Variants in PLA2G4E observed in about 807,000 individuals in gnomAD.
The protein encoded by PLA2G4E is cytosolic phospholipase A2 epsilon.
Under a neutral mutation model 109.1 loss-of-function variants are expected in PLA2G4E, and 84 were observed. The ratio of observed to expected loss-of-function variants is 0.77; its 90% CI spans 0.65 to 0.92. PLA2G4E has a LOEUF of 0.92. PLA2G4E is among the 40% of genes least tolerant of loss of function. The pLI is 0.00. For synonymous variants in PLA2G4E, 469 were observed against 436.1 expected (o/e 1.08, Z -0.94); for missense variants, 1,057 against 1,076.6 (o/e 0.98, Z 0.25).
intron 1 of PLA2G4E, among the ~76,000 whole-genome samples, chr15:42,040,242 G>C (rs1291688060): frequency 6.6e-6 from 1 of 152,032 alleles, no homozygotes; most frequent in East Asian, 1.9e-4. Flanking sequence ...CAGTATTTAA[G>C]GCCTAGAGCA....
intron 1 of PLA2G4E, among the ~76,000 whole-genome samples, chr15:42,049,177 G>C (rs1436475972): frequency 6.6e-6 from 1 of 152,190 alleles, no homozygotes. Context: ...GGGATAGTGT[G>C]GGGCAGAGAC....
chr15:42,036,291 GCTGGGGAGCAGCGCGA>G (rs1486791383), intron 1 of PLA2G4E, among the ~76,000 whole-genome samples: 3 of 152,342 alleles, frequency 2.0e-5, no homozygotes, highest in Middle Eastern at 3.4e-3. Context: ...GAGCAGCGCA[GCTGGGGAGCAGCGCGA>G]CTGGGGAGAG....
intron 1 of PLA2G4E, among the ~76,000 whole-genome samples, chr15:42,040,207 C>T (rs1397704074): frequency 1.3e-5 from 2 of 150,982 alleles, no homozygotes; most frequent in Non-Finnish European, 2.9e-5. Flanking sequence ...CACACACGCA[C>T]ACACACACAC....
chr15:42,043,047 T>A (rs1889343076), intron 1 of PLA2G4E, among the ~76,000 whole-genome samples: 1 of 152,198 alleles, frequency 6.6e-6, no homozygotes, highest in Non-Finnish European at 1.5e-5. Context: ...TAAGCTTCCA[T>A]TCTTAGAATT....
intron 2 of PLA2G4E, among the ~76,000 whole-genome samples, chr15:42,010,583 T>C (rs1237142561): frequency 2.0e-5 from 3 of 152,188 alleles, no homozygotes; most frequent in Non-Finnish European, 4.4e-5. Context: ...TTGTTCCTAG[T>C]GGAGTGACAG....
exon 20 of PLA2G4E, chr15:41,983,285 A>T (rs113647140): frequency 0.025 from 3,983 of 161,472 alleles, 91 homozygotes; most frequent in South Asian, 0.081. Flanking sequence ...AAATCACAAG[A>T]CTAGAATTGC....
chr15:41,992,677 A>C, intron 13 of PLA2G4E, 60 bp downstream of exon 13: 1 of 1,523,208 alleles, frequency 6.6e-7, no homozygotes, highest in Non-Finnish European at 9.0e-7. Flanking sequence ...CCCCTGAGGA[A>C]GAAAGAGAGC....
At chr15:42,039,254 C>T (rs898056112) in intron 1 of PLA2G4E, among the ~76,000 whole-genome samples, 4 of 152,094 alleles carry the variant, frequency 2.6e-5, no homozygotes, top group African/African-American at 7.2e-5. Flanking sequence ...AATACAAATG[C>T]TATCTGCTCA....
rs1383702978 is a variant in PLA2G4E at position 41,993,967 on chromosome 15, C to T, written c.1248-1008G>A. ...CACCCCGGCTGGGCCTGAGTTCCTC[C>T]TGCTATCTGTCTATCGCATAGTAGT... On this transcript the variant is annotated intron_variant, in intron 12 of 19. Transcript: ENST00000399518. Among the ~76,000 whole-genome samples, 2 of 152,142 alleles carry T rather than the reference C, an allele frequency of 1.3e-5. 1 individual carries two copies. The highest frequency in any genetic ancestry group is 4.1e-4 in the South Asian group (2 of 4,830).
At chr15:42,010,700 G>A (rs2068527604) in intron 2 of PLA2G4E, among the ~76,000 whole-genome samples, 1 of 152,112 alleles carries the variant, frequency 6.6e-6, no homozygotes, top group South Asian at 2.1e-4. Context: ...TAATACCTCT[G>A]GAGACACCTG....
exon 7 of PLA2G4E, chr15:42,001,216 C>T (rs189961279): frequency 2.5e-5 from 41 of 1,613,106 alleles, no homozygotes; most frequent in East Asian, 1.3e-4. Context: ...GGAGACTTGT[C>T]GAGACTGTAA....
intron 5 of PLA2G4E, among the ~76,000 whole-genome samples, 173 bp from the exon 6 acceptor site, chr15:42,002,869 G>A (rs1375896401): frequency 6.6e-6 from 1 of 152,172 alleles, no homozygotes; most frequent in Non-Finnish European, 1.5e-5. Flanking sequence ...GGAGGAAACT[G>A]GCCTACATTT....
chr15:42,037,264 G>C (rs992875717), intron 1 of PLA2G4E, among the ~76,000 whole-genome samples: 1 of 152,236 alleles, frequency 6.6e-6, no homozygotes, highest in African/African-American at 2.4e-5. Context: ...GATCAGAATG[G>C]GAACTTGTGG....
intron 15 of PLA2G4E, 26 bp from the exon 16 acceptor site, chr15:41,988,182 G>A (rs1237751272): frequency 6.6e-7 from 1 of 1,513,480 alleles, no homozygotes. Context: ...AGCGTGAGCA[G>A]CTCCACCCTG....
chr15:42,006,513 A>T (rs1343561864), intron 3 of PLA2G4E, among the ~76,000 whole-genome samples: 3 of 152,234 alleles, frequency 2.0e-5, no homozygotes, highest in Non-Finnish European at 4.4e-5. Context: ...GGCACTGAAG[A>T]CAGCCCCTTT....
At chr15:42,004,418 A>AAGGAAGGC (rs1566841610) in intron 5 of PLA2G4E, among the ~76,000 whole-genome samples, 1 of 150,964 alleles carries the variant, frequency 6.6e-6, no homozygotes, top group Admixed American at 6.6e-5. Flanking sequence ...AGAAGGAAGG[A>AAGGAAGGC]AGGCAGGCAG....
At chr15:42,033,198 C>T (rs1461931110) in intron 1 of PLA2G4E, among the ~76,000 whole-genome samples, 1 of 152,100 alleles carries the variant, frequency 6.6e-6, no homozygotes. Context: ...AGAATAAAGT[C>T]CAGTTGCACC....
intron 1 of PLA2G4E, among the ~76,000 whole-genome samples, chr15:42,021,691 C>T (rs779558528): frequency 2.0e-5 from 3 of 152,296 alleles, no homozygotes; most frequent in East Asian, 1.9e-4. Context: ...TTGGAGGATG[C>T]ACCCGCCCCG....
In PLA2G4E at chr15:42,004,918, C is replaced by T. The variant is rs199680586; in HGVS notation, c.566+20G>A. 25 of 1,595,828 alleles carry T rather than the reference C, an allele frequency of 1.6e-5. No homozygotes were observed. The highest frequency in any genetic ancestry group is 1.2e-4 in the African/African-American group (9 of 72,698). ...TGATGGCCAGGACCTTGGTGGGCCC[C>T]GGGGCCTGGGCCTACTCACCTCTCC... On this transcript the variant is annotated intron_variant, in intron 5 of 19. Transcript: ENST00000399518.
Sources: gnomAD v4.1 joint callset for allele counts (sites outside exome capture counted in the v4.1 genomes callset) on GRCh38, gnomAD v4.1.1 for gene constraint, MANE v1.5 for transcripts, NCBI Gene and HGNC (gene_info 2026-07-23, HGNC 2026-07-21) for gene names.